MOB4: variants seen among roughly 807,000 people sequenced by gnomAD.
The protein encoded by MOB4 is MOB-like protein phocein.
Under a neutral mutation model 32.2 loss-of-function variants are expected in MOB4, and 4 were observed. The ratio of observed to expected loss-of-function variants is 0.12; its 90% CI spans 0.06 to 0.28. MOB4 has a LOEUF of 0.28. MOB4 is among the 10% of genes least tolerant of loss of function. The pLI, the probability that MOB4 is intolerant of heterozygous loss-of-function variation, is 1.00. For missense variants in MOB4, 158 were observed against 271.2 expected, an observed-to-expected ratio of 0.58 and a Z score of 2.93; for synonymous variants, 88 against 88.1, an observed-to-expected ratio of 1.00 and a Z score of 0.01.
At chr2:197,516,465 G>A (rs2086413756) in intron 1 of MOB4, 1 of 1,126,128 alleles carries the variant, frequency 8.9e-7, no homozygotes, top group Non-Finnish European at 1.2e-6. Flanking sequence ...CTGAGCCCCA[G>A]CTGACTAGCA....
At chr2:197,545,579 T>C (rs2086979587) in intron 5 of MOB4, among the ~76,000 whole-genome samples, 1 of 152,160 alleles carries the variant, frequency 6.6e-6, no homozygotes, top group Non-Finnish European at 1.5e-5. Context: ...TTAAAAACAT[T>C]AAAGGCTAAA....
intron 1 of MOB4, among the ~76,000 whole-genome samples, chr2:197,522,493 G>A (rs1380243139): frequency 6.6e-6 from 1 of 151,482 alleles, no homozygotes; most frequent in East Asian, 1.9e-4. Context: ...ACCATGCCCG[G>A]CTATTTTTTG....
chr2:197,516,410 G>A, intron 1 of MOB4: 1 of 1,383,226 alleles, frequency 7.2e-7, no homozygotes, highest in Non-Finnish European at 9.4e-7. Context: ...CCGAAGCCCT[G>A]GGCTGCGAGC....
chr2:197,516,242 G>T (rs2086409060), intron 1 of MOB4, 96 bp downstream of exon 1: 1 of 1,516,320 alleles, frequency 6.6e-7, no homozygotes, highest in South Asian at 1.2e-5. Context: ...GGCCGAGGCG[G>T]CAGGCGGGCG....
chr2:197,529,843 G>A (rs913470320), intron 2 of MOB4, among the ~76,000 whole-genome samples: 3 of 151,748 alleles, frequency 2.0e-5, no homozygotes, highest in Non-Finnish European at 2.9e-5. Flanking sequence ...TAGTACAGAC[G>A]GGGTTTCACC....
chr2:197,535,741 A>C, intron 3 of MOB4, 111 bp downstream of exon 3: 1 of 1,243,642 alleles, frequency 8.0e-7, no homozygotes, highest in Non-Finnish European at 1.1e-6. Context: ...AAGAAGCCAA[A>C]TTTTAAAGCT....
intron 1 of MOB4, among the ~76,000 whole-genome samples, chr2:197,517,868 G>A (rs1455089978): frequency 2.0e-5 from 3 of 152,116 alleles, no homozygotes; most frequent in Non-Finnish European, 4.4e-5. Flanking sequence ...GGCTGGGTGC[G>A]GTGGCTCACG....
intron 2 of MOB4, among the ~76,000 whole-genome samples, chr2:197,530,190 G>C (rs979016258): frequency 6.6e-6 from 1 of 152,002 alleles, no homozygotes; most frequent in Admixed American, 6.6e-5. Context: ...GGCTGGTCTT[G>C]AACTCCTGAC....
intron 3 of MOB4, among the ~76,000 whole-genome samples, chr2:197,536,114 G>A (rs951592897): frequency 2.6e-5 from 4 of 151,960 alleles, no homozygotes; most frequent in Admixed American, 2.0e-4. Flanking sequence ...GCCCAGGCTA[G>A]TCTCAAACTC....
At chr2:197,531,623 T>A (rs1422786628) in intron 2 of MOB4, among the ~76,000 whole-genome samples, 1 of 152,158 alleles carries the variant, frequency 6.6e-6, no homozygotes, top group Non-Finnish European at 1.5e-5. Flanking sequence ...TGGAGTGCAG[T>A]GGCATGATCT....
chr2:197,525,130 G>C (rs2086587497), intron 2 of MOB4, among the ~76,000 whole-genome samples: 1 of 152,110 alleles, frequency 6.6e-6, no homozygotes, highest in Non-Finnish European at 1.5e-5. Context: ...CGGATCACCA[G>C]GTCAGGAGAT....
At chr2:197,525,709 CAAA>C (rs368659222) in intron 2 of MOB4, among the ~76,000 whole-genome samples, 18 of 64,590 alleles carry the variant, frequency 2.8e-4, no homozygotes, top group Non-Finnish European at 2.0e-4. Context: ...GACCCTATCT[CAAA>C]AAAAAAAAAA....
At chr2:197,516,888 G>A (rs551343127) in intron 1 of MOB4, among the ~76,000 whole-genome samples, 1 of 152,332 alleles carries the variant, frequency 6.6e-6, no homozygotes, top group South Asian at 2.1e-4. Context: ...GTTTGGAAAA[G>A]ATGGGATGCC....
intron 2 of MOB4, among the ~76,000 whole-genome samples, chr2:197,529,026 A>G (rs1286305562): frequency 1.3e-5 from 2 of 149,728 alleles, no homozygotes; most frequent in African/African-American, 4.9e-5. Flanking sequence ...CAGTGGCGCG[A>G]TCTCGGCTCA....
At chr2:197,545,526 A>C (rs1416609872) in intron 5 of MOB4, among the ~76,000 whole-genome samples, 1 of 152,186 alleles carries the variant, frequency 6.6e-6, no homozygotes, top group Non-Finnish European at 1.5e-5. Flanking sequence ...AAAAGGAATG[A>C]AGTCTTAAAG....
In MOB4 at chr2:197,550,803, A is replaced by G. The variant is rs1455968646; in HGVS notation, c.*157A>G. The G allele has an allele frequency of 1.1e-6, 1 of 878,006 alleles. No individual in the cohort carries two copies. Among genetic ancestry groups the G allele is most frequent in the Non-Finnish European group, 1.6e-6 (1 of 640,228 alleles). 54.4% of individuals were successfully genotyped at this position (878,006 alleles called of 1,614,324 possible). On this transcript the variant is annotated 3_prime_UTR_variant, in exon 8 of 8. Coordinates refer to ENST00000323303, the MANE Select transcript of MOB4 (RefSeq NM_015387.5). Reference sequence around the variant, plus strand: ...CCTTTTAAAATGGGAAATACTTTTTAAGTTATTCATAAGCTGTATATTCAC... The same window carrying G: ...CCTTTTAAAATGGGAAATACTTTTTGAGTTATTCATAAGCTGTATATTCAC...
intron 1 of MOB4, among the ~76,000 whole-genome samples, chr2:197,522,323 C>CTTTTTTTTT (rs57163165): frequency 1.8e-4 from 12 of 66,494 alleles, no homozygotes; most frequent in East Asian, 4.9e-4. Flanking sequence ...GGGTGATTAC[C>CTTTTTTTTT]TTTTTTTTTT....
intron 2 of MOB4, among the ~76,000 whole-genome samples, chr2:197,533,104 C>CA (rs1333374177): frequency 2.7e-5 from 4 of 149,948 alleles, no homozygotes; most frequent in East Asian, 3.9e-4. Context: ...ATCTCAAAAA[C>CA]AAAAAAAAAT....
intron 3 of MOB4, among the ~76,000 whole-genome samples, chr2:197,537,551 A>G (rs976000674): frequency 1.3e-5 from 2 of 152,230 alleles, no homozygotes; most frequent in Non-Finnish European, 1.5e-5. Flanking sequence ...ATGTCGTGTC[A>G]TAACAGTTCA....
Sources: gnomAD v4.1 joint callset for allele counts (sites outside exome capture counted in the v4.1 genomes callset) on GRCh38, gnomAD v4.1.1 for gene constraint, MANE v1.5 for transcripts, NCBI Gene and HGNC (gene_info 2026-07-23, HGNC 2026-07-21) for gene names.